Variants in ZNF362 observed in about 807,000 individuals in gnomAD.
ZNF362 encodes rotund homolog.
A neutral mutation model predicts 42.9 loss-of-function variants in ZNF362; 11 were observed. The ratio of observed to expected loss-of-function variants is 0.26; its 90% confidence interval spans 0.16 to 0.42. The LOEUF is 0.42. Among genes scored for constraint, ZNF362 ranks in the 20% least tolerant of loss-of-function variants. ZNF362 has a pLI of 1.00. For synonymous variants in ZNF362, 255 were observed against 257.3 expected, an observed-to-expected ratio of 0.99 and a Z score of 0.09; for missense variants, 362 against 576.2, an observed-to-expected ratio of 0.63 and a Z score of 3.81.
the ZNF362 span, among the ~76,000 whole-genome samples, chr1:33,166,788 C>G: frequency 6.6e-6 from 1 of 152,218 alleles, no homozygotes; most frequent in Admixed American, 6.5e-5. Context: ...AAAACACAAT[C>G]AGCCTCACTG....
chr1:33,218,623 T>A, the ZNF362 span, among the ~76,000 whole-genome samples: 1 of 152,214 alleles, frequency 6.6e-6, no homozygotes, highest in African/African-American at 2.4e-5. Context: ...ATTAGTGAAA[T>A]TGATCATCTG....
At chr1:33,239,047 C>T in the ZNF362 span, among the ~76,000 whole-genome samples, 2 of 152,186 alleles carry the variant, frequency 1.3e-5, no homozygotes, top group African/African-American at 4.8e-5. Context: ...TGGAGACTAC[C>T]AACACAGTGA....
the ZNF362 span, among the ~76,000 whole-genome samples, chr1:33,131,287 G>C: frequency 2.0e-5 from 3 of 152,150 alleles, no homozygotes; most frequent in East Asian, 5.8e-4. Context: ...CTAGGCACTG[G>C]GGACAAACAA....
At chr1:33,130,747 T>G in the ZNF362 span, among the ~76,000 whole-genome samples, 1 of 152,228 alleles carries the variant, frequency 6.6e-6, no homozygotes, top group African/African-American at 2.4e-5. Context: ...AATAGATAAC[T>G]AATACAGAGG....
the ZNF362 span, among the ~76,000 whole-genome samples, chr1:33,190,689 A>T: frequency 6.6e-6 from 1 of 152,144 alleles, no homozygotes; most frequent in Non-Finnish European, 1.5e-5. Flanking sequence ...TTAAGCTGTC[A>T]CCTCTTAGCG....
chr1:33,270,446 T>C (rs1645894024), intron 1 of ZNF362, 41 bp from the exon 2 acceptor site: 1 of 623,736 alleles, frequency 1.6e-6, no homozygotes, highest in Non-Finnish European at 2.9e-6. Flanking sequence ...TTTACTATTA[T>C]TATTATTGTT....
the ZNF362 span, among the ~76,000 whole-genome samples, chr1:33,193,000 CACACAT>C: frequency 0.039 from 842 of 21,718 alleles, 6 homozygotes; most frequent in African/African-American, 0.057. Context: ...CACACACACA[CACACAT>C]ATATATATAT....
rs1158225169 is a variant in ZNF362, at chr1:33,281,270, G to T, written c.684-317G>T. ...GCAGCCTGGTTGAGAACTACTTCAC[G>T]TGGTAGCGCCTCCTGCCCAGAACCG... On this transcript the variant is annotated intron_variant, in intron 5 of 8. Coordinates refer to ENST00000539719, the MANE Select transcript of ZNF362 (RefSeq NM_152493.3). This position sits in a 1 kb window ranked among gnomAD's most constrained non-coding sequence, Gnocchi z 4.8. Among the ~76,000 whole-genome samples, 1 of 152,126 alleles carries T rather than the reference G, an allele frequency of 6.6e-6. No homozygotes were observed. Among genetic ancestry groups the T allele is most frequent in the African/African-American group, 2.4e-5 (1 of 41,416 alleles).
the ZNF362 span, among the ~76,000 whole-genome samples, chr1:33,174,701 C>T: frequency 6.6e-6 from 1 of 152,212 alleles, no homozygotes; most frequent in East Asian, 1.9e-4. Context: ...TTTCTTTCTG[C>T]TCCCTGGCCT....
the ZNF362 span, among the ~76,000 whole-genome samples, chr1:33,132,459 C>T: frequency 6.6e-6 from 1 of 152,174 alleles, no homozygotes; most frequent in African/African-American, 2.4e-5. Flanking sequence ...GTTTGTCAAC[C>T]CCTAAACTGT....
At chr1:33,174,365 A>G in the ZNF362 span, among the ~76,000 whole-genome samples, 4 of 151,974 alleles carry the variant, frequency 2.6e-5, no homozygotes, top group African/African-American at 4.8e-5. Flanking sequence ...TGCATTTTTT[A>G]TAGAGATAGG....
At chr1:33,208,238 G>T in the ZNF362 span, among the ~76,000 whole-genome samples, 2 of 152,040 alleles carry the variant, frequency 1.3e-5, no homozygotes, top group African/African-American at 4.8e-5. Flanking sequence ...AATATCAGAT[G>T]GTTGTAGACG....
chr1:33,154,667 G>GT, the ZNF362 span, among the ~76,000 whole-genome samples: 1 of 151,324 alleles, frequency 6.6e-6, no homozygotes, highest in Non-Finnish European at 1.5e-5. Context: ...GTGCAGTGGC[G>GT]TGTGCCTGTA....
chr1:33,240,481 A>G, the ZNF362 span, among the ~76,000 whole-genome samples: 5 of 152,234 alleles, frequency 3.3e-5, no homozygotes, highest in African/African-American at 1.2e-4. Context: ...ATATATACAT[A>G]AACACACATA....
chr1:33,252,078 C>T (rs946751779), upstream of ZNF362, among the ~76,000 whole-genome samples: 1 of 152,312 alleles, frequency 6.6e-6, no homozygotes. Flanking sequence ...CTCGGCTGGG[C>T]GTGGTGGCTC....
At chr1:33,172,168 G>A in the ZNF362 span, among the ~76,000 whole-genome samples, 8 of 152,148 alleles carry the variant, frequency 5.3e-5, no homozygotes, top group Non-Finnish European at 4.4e-5. Flanking sequence ...CTGACATGAC[G>A]TACAGGGTGA....
rs146106657 is a variant in ZNF362, at chr1:33,296,657, C to T, written c.1146+1352C>T. Among the ~76,000 whole-genome samples the T allele has an allele frequency of 3.4e-3, 512 of 152,192 alleles. 2 individuals are homozygous for T. Among genetic ancestry groups the T allele is most frequent in the African/African-American group, 0.012 (481 of 41,550 alleles). On this transcript the variant is annotated intron_variant, in intron 8 of 8. Transcript: ENST00000539719. ...GAGGAGAAAGAGGGGAAAGAAGCTTCCATGCAGGCGAACACTGAGTGCGAA... is the reference window on the plus strand; with the variant it reads ...GAGGAGAAAGAGGGGAAAGAAGCTTTCATGCAGGCGAACACTGAGTGCGAA...
At chr1:33,250,882 A>C in the ZNF362 span, among the ~76,000 whole-genome samples, 1 of 151,894 alleles carries the variant, frequency 6.6e-6, no homozygotes, top group Non-Finnish European at 1.5e-5. Context: ...AAGAAGAAGA[A>C]GAAGAAGAAG....
the ZNF362 span, among the ~76,000 whole-genome samples, chr1:33,174,770 A>G: frequency 1.3e-5 from 2 of 152,090 alleles, no homozygotes; most frequent in Admixed American, 6.5e-5. Context: ...AGTTACAGCA[A>G]CCTACCAGTT....
Sources: allele counts gnomAD v4.1 joint callset (sites outside exome capture counted in the v4.1 genomes callset), GRCh38; gene constraint gnomAD v4.1.1; non-coding constraint Gnocchi (gnomAD v3.1); transcripts MANE v1.5; gene names NCBI Gene and HGNC (gene_info 2026-07-23, HGNC 2026-07-21).